GPR161: variants seen among roughly 807,000 people sequenced by gnomAD.
GPR161 encodes the protein G protein-coupled receptor 161.
GPR161 carries 25 observed loss-of-function variants against 39.2 expected under a neutral mutation model. The observed-to-expected ratio is 0.64, with a 90% CI of 0.47 to 0.89. The LOEUF is 0.89. Among genes scored for constraint, GPR161 ranks in the 40% least tolerant of loss-of-function variants. GPR161 has a pLI of 0.00. For missense variants in GPR161, 547 were observed against 677.8 expected, an observed-to-expected ratio of 0.81 and a Z score of 2.14; for synonymous variants, 286 against 276.6, an observed-to-expected ratio of 1.03 and a Z score of -0.34.
chr1:168,090,467 G>T, intron 4 of GPR161, 97 bp downstream of exon 4: 1 of 624,620 alleles, frequency 1.6e-6, no homozygotes, highest in Non-Finnish European at 2.8e-6. Context: ...ATGCCCCTCC[G>T]CCAGCTCTTG....
chr1:168,079,674 T>G lies in GPR161; in HGVS notation c.*5857A>C, dbSNP rs781233092. On this transcript the variant is annotated 3_prime_UTR_variant, in exon 6 of 6. Coordinates refer to ENST00000682931, the MANE Select transcript of GPR161 (RefSeq NM_001375883.1). ...AAAAAATCATCCAAAGACTTCAAGTTAAATATATTTCAGGATTAGCCAGGG... is the reference window on the plus strand; with the variant it reads ...AAAAAATCATCCAAAGACTTCAAGTGAAATATATTTCAGGATTAGCCAGGG... The G allele has an allele frequency of 6.6e-6, 1 of 152,232 alleles. No homozygotes were observed. The highest frequency in any genetic ancestry group is 1.5e-5 in the Non-Finnish European group (1 of 68,036). The allele number at this position is 152,232 out of a possible 1,614,324, so 9.4% of individuals were successfully genotyped here.
chr1:168,127,484 A>G (rs1195948416), intron 1 of GPR161, among the ~76,000 whole-genome samples: 1 of 152,044 alleles, frequency 6.6e-6, no homozygotes, highest in East Asian at 1.9e-4. Flanking sequence ...ACTCCATCTC[A>G]TTAAAAAAAA....
intron 1 of GPR161, among the ~76,000 whole-genome samples, chr1:168,112,660 C>A (rs1697307591): frequency 6.6e-6 from 1 of 151,582 alleles, no homozygotes; most frequent in South Asian, 2.1e-4. Context: ...AGTTCGGGAC[C>A]AGCCTGGCTA....
At chr1:168,127,889 GAAAAGATGCATTGC>G (rs1418444992) in intron 1 of GPR161, among the ~76,000 whole-genome samples, 1 of 152,176 alleles carries the variant, frequency 6.6e-6, no homozygotes, top group Non-Finnish European at 1.5e-5. Context: ...ATGGAAGACA[GAAAAGATGCATTGC>G]AAGAGAATGC....
rs1693926071 is a variant in GPR161 at position 168,079,595 on chromosome 1, T to C, written c.*5936A>G. ...GTAAACAAAAATTCCAAATACATTG[T>C]TGCTTATTTATAAATATTGATTTAT... On this transcript the variant is annotated 3_prime_UTR_variant, in exon 6 of 6. Coordinates refer to ENST00000682931, the MANE Select transcript of GPR161 (RefSeq NM_001375883.1). 1 of 152,248 alleles carries C rather than the reference T, an allele frequency of 6.6e-6. No individual in the cohort carries two copies. The highest frequency in any genetic ancestry group is 1.5e-5 in the Non-Finnish European group (1 of 68,048). 9.4% of individuals were successfully genotyped at this position (152,248 alleles called of 1,614,324 possible).
rs1694173152 is a variant in GPR161, at chr1:168,082,885, T to A, written c.*2646A>T. On this transcript the variant is annotated 3_prime_UTR_variant, in exon 6 of 6. Transcript: ENST00000682931. The stretch of plus-strand genomic sequence containing the variant: ...AAAATGTGTGAAAATTCTCTTTTCC[T>A]TCTCCCCCACACCCCCTTCTCTCTT... 1 of 152,308 alleles carries A rather than the reference T, an allele frequency of 6.6e-6. No individual in the cohort carries two copies. The highest frequency in any genetic ancestry group is 1.5e-5 in the Non-Finnish European group (1 of 68,130). 9.4% of individuals were successfully genotyped at this position (152,308 alleles called of 1,614,324 possible).
At position 168,084,951 on chromosome 1, in the gene GPR161, T is replaced by G. The variant is rs992918134; in HGVS notation, c.*580A>C. The G allele has an allele frequency of 4.4e-5, 20 of 456,170 alleles. No individual in the cohort carries two copies. The highest frequency in any genetic ancestry group is 3.1e-4 in the Admixed American group (13 of 42,562). The allele number at this position is 456,170 out of a possible 1,614,324, so 28.3% of individuals were successfully genotyped here. A position where few individuals can be genotyped will look rare whatever the true frequency, so the allele number is the denominator to read the frequency against. On this transcript the variant is annotated 3_prime_UTR_variant, in exon 6 of 6. Transcript: ENST00000682931. The stretch of plus-strand genomic sequence containing the variant: ...AGCAGGTGGCGCCACTGAGGACCGC[T>G]CCGAAGCGCTCTGCTCCTGGGTGCT...
upstream of GPR161, chr1:168,136,976 C>CGGAG: frequency 1.1e-6 from 1 of 894,278 alleles, no homozygotes; most frequent in Non-Finnish European, 1.3e-6. Context: ...CACGCCCGGC[C>CGGAG]GGGCCCCTCC....
chr1:168,125,418 T>A (rs2102245396), intron 1 of GPR161, among the ~76,000 whole-genome samples: 1 of 152,294 alleles, frequency 6.6e-6, no homozygotes, highest in South Asian at 2.1e-4. Flanking sequence ...GAATGTTGAG[T>A]CCTGTTGGAT....
At chr1:168,115,941 A>G (rs553528628) in intron 1 of GPR161, among the ~76,000 whole-genome samples, 34 of 151,750 alleles carry the variant, frequency 2.2e-4, no homozygotes, top group African/African-American at 8.2e-4. Flanking sequence ...ACGCCCGGCT[A>G]ATTTTTTTTG....
chr1:168,087,362 G>A (rs987669743), intron 5 of GPR161, among the ~76,000 whole-genome samples: 4 of 147,816 alleles, frequency 2.7e-5, no homozygotes, highest in Non-Finnish European at 5.9e-5. Context: ...TGTGTGTGGA[G>A]TTTGACAGCC....
At chr1:168,124,816 T>C (rs2102243921) in intron 1 of GPR161, among the ~76,000 whole-genome samples, 1 of 152,306 alleles carries the variant, frequency 6.6e-6, no homozygotes, top group South Asian at 2.1e-4. Context: ...TATGAGCTCA[T>C]GCAAAGTGTG....
At chr1:168,136,397 C>T (rs1699376993) in intron 1 of GPR161, 2 of 1,405,818 alleles carry the variant, frequency 1.4e-6, no homozygotes, top group Non-Finnish European at 1.9e-6. Context: ...GCCCTCCCAT[C>T]CAGCGGACTG....
Position 168,085,704 on chromosome 1 carries a change from C to T in GPR161, c.1417G>A (p.Glu473Lys), listed in dbSNP as rs199866265. Residue 473 changes from glutamate to lysine, a missense_variant, in exon 6 of 6, where the codon GAA becomes AAA. Physicochemically the swap from Glu to Lys is moderately conservative, Grantham distance 56 (BLOSUM62 1). Transcript: ENST00000682931. ...TCCCCAAATAAGTTGATTTTGGCTT[C>T]GGCCTCAATGGCTTTGGCCAAGCTT... is the stretch of plus-strand genomic sequence containing the variant. ...AASLAKAIEA[E>K]AKINLFGEEA... 19 of 1,614,230 alleles carry T rather than the reference C, an allele frequency of 1.2e-5. No individual in the cohort carries two copies. The highest frequency in any genetic ancestry group is 7.7e-5 in the South Asian group (7 of 91,086).
At chr1:168,134,846 T>C in intron 1 of GPR161, 25 of 1,456,904 alleles carry the variant, frequency 1.7e-5, no homozygotes, top group Non-Finnish European at 2.3e-5. Context: ...ACCCGCCTCC[T>C]GCACTCAGGC....
rs1694000327 is a variant in GPR161, at chr1:168,080,621, C to T, written c.*4910G>A. 6.6e-6 allele frequency: 1 copy of T among 152,238 alleles called. No homozygotes were observed. Among genetic ancestry groups the T allele is most frequent in the Non-Finnish European group, 1.5e-5 (1 of 68,104 alleles). The allele number at this position is 152,238 out of a possible 1,614,324, so 9.4% of individuals were successfully genotyped here. On this transcript the variant is annotated 3_prime_UTR_variant, in exon 6 of 6. Transcript: ENST00000682931. Reference sequence around the variant, plus strand: ...CTTGGAGGATTAGGGATTCTGTGAACCCAAGAGCCACAGCCAGGCAGTCAC... The same window carrying T: ...CTTGGAGGATTAGGGATTCTGTGAATCCAAGAGCCACAGCCAGGCAGTCAC...
Position 168,084,135 on chromosome 1 carries a change from TC to T in GPR161, c.*1395del, listed in dbSNP as rs1249997886. On this transcript the variant is annotated 3_prime_UTR_variant, in exon 6 of 6. Transcript: ENST00000682931. ...AGAGGTTTAACCATCCCAATCACAT[TC>T]CTGTGCTTCCCCTTCTGAGATGGTG... 6.5e-6 allele frequency: 1 copy of T among 155,024 alleles called. No individual in the cohort carries two copies. Among genetic ancestry groups the T allele is most frequent in the Non-Finnish European group, 1.4e-5 (1 of 69,946 alleles). The allele number at this position is 155,024 out of a possible 1,614,324, so 9.6% of individuals were successfully genotyped here. A position where few individuals can be genotyped will look rare whatever the true frequency, so the allele number is the denominator to read the frequency against.
intron 1 of GPR161, among the ~76,000 whole-genome samples, chr1:168,119,369 A>T (rs1697976103): frequency 6.6e-6 from 1 of 150,496 alleles, no homozygotes. Flanking sequence ...ATATGGATGA[A>T]GCTTGGGGAC....
intron 2 of GPR161, among the ~76,000 whole-genome samples, chr1:168,103,178 G>A (rs552599862): frequency 4.6e-5 from 7 of 152,128 alleles, no homozygotes; most frequent in Admixed American, 1.3e-4. Context: ...GGAATACCTC[G>A]TAACCATGAA....
Sources: gnomAD v4.1 joint callset for allele counts (sites outside exome capture counted in the v4.1 genomes callset) on GRCh38, gnomAD v4.1.1 for gene constraint, MANE v1.5 for transcripts, NCBI Gene and HGNC (gene_info 2026-07-23, HGNC 2026-07-21) for gene names.